The following CREB3L3 variants were observed in gnomAD, a reference collection of about 807,000 sequenced individuals.
CREB3L3 encodes the protein cyclic AMP-responsive element-binding protein 3-like protein 3.
CREB3L3 carries 40 observed loss-of-function variants against 44.6 expected under a neutral mutation model. The observed-to-expected ratio is 0.90, with a 90% CI of 0.70 to 1.17. CREB3L3 has a LOEUF of 1.17. Ranked by LOEUF, CREB3L3 falls within the 50% of genes most tolerant of loss-of-function variation. CREB3L3 has a pLI of 0.00. For missense variants in CREB3L3, 578 were observed against 595.8 expected (o/e 0.97, Z 0.31); for synonymous variants, 273 against 256.3 (o/e 1.06, Z -0.62).
At position 4,159,718 on chromosome 19, in the gene CREB3L3, A is replaced by T. The variant is rs759470246; in HGVS notation, c.512A>T (p.Asp171Val). Residue 171 changes from aspartate to valine, a missense_variant, in exon 4 of 10, where the codon GAC (aspartate) becomes GTC (valine). Physicochemically the swap from Asp to Val is radical, Grantham distance 152 (BLOSUM62 -3). Transcript: ENST00000078445. ...ICAEKPADPV[D>V]LSPRCNLTVK... is the part of the protein sequence containing the mutation. ...GCTGAGAAGCCGGCTGATCCGGTGG[A>T]CCTGTCCCCACGATGCAATCTCACC... 1 of 1,603,266 alleles carries T rather than the reference A, an allele frequency of 6.2e-7. No individual in the cohort carries two copies. Among genetic ancestry groups the T allele is most frequent in the Non-Finnish European group, 8.5e-7 (1 of 1,170,324 alleles).
In CREB3L3 at chr19:4,170,012, G is replaced by A. The variant is rs568553539; in HGVS notation, c.822-128G>A. The A allele has an allele frequency of 4.5e-6, 4 of 888,872 alleles. No homozygotes were observed. The South Asian group carries it at 5.4e-5, about 12-fold the overall frequency. The allele number at this position is 888,872 out of a possible 1,614,324, so 55.1% of individuals were successfully genotyped here. On this transcript the variant is annotated intron_variant, in intron 6 of 9. Transcript: ENST00000078445. ...CTGTCTGACCTGCCGAGTAACCTTG[G>A]ATGAATGACTTCCCCTCTCTGGCCT...
chr19:4,164,865 C>T (rs140650522), intron 5 of CREB3L3, among the ~76,000 whole-genome samples: 243 of 152,172 alleles, frequency 1.6e-3, no homozygotes, highest in Middle Eastern at 3.4e-3. Context: ...TGCGCCACCA[C>T]GCCCAGCTAA....
At chr19:4,155,801 G>A (rs1267164291) in intron 2 of CREB3L3, among the ~76,000 whole-genome samples, 4 of 137,742 alleles carry the variant, frequency 2.9e-5, no homozygotes, top group Admixed American at 7.9e-5. Context: ...AGGCTGGAGC[G>A]CAATGGCGCG....
intron 5 of CREB3L3, among the ~76,000 whole-genome samples, 186 bp from the exon 6 acceptor site, chr19:4,168,165 A>G (rs1477996284): frequency 6.6e-6 from 1 of 151,308 alleles, no homozygotes; most frequent in African/African-American, 2.4e-5. Context: ...TGCCTGGCTA[A>G]TTTTTGTATT....
chr19:4,171,439 CA>C lies in CREB3L3; in HGVS notation c.1034del (p.Asn345ThrfsTer67). 1.2e-6 allele frequency: 2 copies of C among 1,614,118 alleles called. No homozygotes were observed. The highest frequency in any genetic ancestry group is 8.5e-7 in the Non-Finnish European group (1 of 1,180,012). On this transcript the variant is annotated frameshift_variant, in exon 9 of 10. Transcript: ENST00000078445. LOFTEE classifies it low-confidence loss of function (END_TRUNC). This position sits in a 1 kb window ranked among gnomAD's most constrained non-coding sequence, Gnocchi z 4.9. ...TCCCCTCCATCAGCCCTTTTGGCCC[CA>C]ACAAAACCGAGAGCCCTGGGGACTT... Reference protein sequence around the residue: ...ILPSISPFGPNKTESPGDFAP... With the variant: ...ILPSISPFGPXKTESPGDFAP...
Position 4,155,016 on chromosome 19 carries a change from G to A in CREB3L3, c.145G>A (p.Val49Ile), listed in dbSNP as rs372070326. The change falls in exon 2 of 10, where the codon GTC (valine) becomes ATC (isoleucine). Residue 49 changes from valine (V) to isoleucine (I), a missense_variant. Val to Ile is a conservative substitution (Grantham distance 29, BLOSUM62 3). Transcript: ENST00000078445. ...GGAGCTGGGCGAGGGCTGGGGTCAC[G>A]TCAAGGACCAGGTGAGGAGTCCACT... The part of the protein sequence containing the change: ...HVELGEGWGH[V>I]KDQQVLPNPD... The A allele has an allele frequency of 2.0e-5, 32 of 1,608,344 alleles. No homozygotes were observed. The Admixed American group carries it at 2.8e-4, about 14-fold the overall frequency.
chr19:4,164,775 C>A, intron 5 of CREB3L3, 135 bp downstream of exon 5: 1 of 1,054,986 alleles, frequency 9.5e-7, no homozygotes, highest in Non-Finnish European at 1.4e-6. Flanking sequence ...GTGGCACGAT[C>A]TCAGCTTGCT....
In CREB3L3 at chr19:4,156,975, C is replaced by T. The variant is rs772806290; in HGVS notation, c.157-20C>T. The T allele has an allele frequency of 1.2e-6, 2 of 1,613,556 alleles. No individual in the cohort carries two copies. The highest frequency in any genetic ancestry group is 1.7e-6 in the Non-Finnish European group (2 of 1,179,628). On this transcript the variant is annotated intron_variant, in intron 2 of 9. Transcript: ENST00000078445. ...AGTGAGCACTTCCTAATTCCTACTA[C>T]CCCTCCCTGTCCACCCCAGCAGGTC...
intron 2 of CREB3L3, among the ~76,000 whole-genome samples, chr19:4,156,500 T>G (rs956471076): frequency 6.7e-6 from 1 of 149,722 alleles, no homozygotes; most frequent in African/African-American, 2.5e-5. Context: ...TTGTTTTTCT[T>G]TTTTTCTTTT....
chr19:4,153,933 C>T (rs976999494), intron 1 of CREB3L3, among the ~76,000 whole-genome samples, 159 bp downstream of exon 1: 4 of 152,124 alleles, frequency 2.6e-5, no homozygotes, highest in African/African-American at 9.7e-5. Flanking sequence ...GTGCCTTTGC[C>T]CCGGGGCTGC....
chr19:4,172,044 C>T lies in CREB3L3; in HGVS notation c.*75C>T, dbSNP rs1967063747. On this transcript the variant is annotated 3_prime_UTR_variant, in exon 10 of 10. Coordinates refer to ENST00000078445, the MANE Select transcript of CREB3L3 (RefSeq NM_032607.3). Reference sequence around the variant, plus strand: ...GGATGCTGCACTGGGCAGCTACCCACCTGGGGATGGGACGTGAGGCCAAGA... The same window carrying T: ...GGATGCTGCACTGGGCAGCTACCCATCTGGGGATGGGACGTGAGGCCAAGA... 1.7e-5 allele frequency: 24 copies of T among 1,414,232 alleles called. No homozygotes were observed. In the South Asian group the frequency reaches 2.8e-4, roughly 17 times the overall value. The allele number at this position is 1,414,232 out of a possible 1,614,324, so 87.6% of individuals were successfully genotyped here.
chr19:4,158,967 G>A (rs2041624825), intron 3 of CREB3L3, among the ~76,000 whole-genome samples: 1 of 152,170 alleles, frequency 6.6e-6, no homozygotes, highest in Admixed American at 6.6e-5. Context: ...GACAACCAGA[G>A]GTGAATCAGA....
At chr19:4,159,430 C>CCA (rs2041630174) in intron 3 of CREB3L3, among the ~76,000 whole-genome samples, 2 of 110,578 alleles carry the variant, frequency 1.8e-5, no homozygotes, top group African/African-American at 6.4e-5. Context: ...GGAATACAGG[C>CCA]GTGAGCCACC....
At chr19:4,170,510 G>T (rs949410069) in intron 7 of CREB3L3, among the ~76,000 whole-genome samples, 3 of 152,052 alleles carry the variant, frequency 2.0e-5, no homozygotes, top group Non-Finnish European at 4.4e-5. Context: ...TACTCGAGAG[G>T]CTGAGGCAGG....
intron 2 of CREB3L3, among the ~76,000 whole-genome samples, chr19:4,155,428 G>T (rs574751200): frequency 6.7e-6 from 1 of 148,474 alleles, no homozygotes; most frequent in African/African-American, 2.5e-5. Context: ...GTGCCATCTC[G>T]GCTCACTGCA....
chr19:4,156,875 C>A, intron 2 of CREB3L3, 120 bp from the exon 3 acceptor site: 2 of 1,023,782 alleles, frequency 2.0e-6, no homozygotes, highest in Non-Finnish European at 2.9e-6. Context: ...AGTAACTCAT[C>A]TTGGAGAAGG....
Position 4,171,579 on chromosome 19 carries a change from G to A in CREB3L3, c.1073-77G>A. 1 of 1,603,388 alleles carries A rather than the reference G, an allele frequency of 6.2e-7. No homozygotes were observed. The highest frequency in any genetic ancestry group is 8.5e-7 in the Non-Finnish European group (1 of 1,170,576). ...GAAGACCCCTGTGCCCTTGTTCCCT[G>A]AGGCTGGGGGCCAGGGAAGGGAGCA... On this transcript the variant is annotated intron_variant, in intron 9 of 9. Transcript: ENST00000078445. The surrounding 1 kb of genome is among the most constrained non-coding windows in gnomAD (Gnocchi z 4.9).
chr19:4,165,717 T>C (rs1462109258), intron 5 of CREB3L3, among the ~76,000 whole-genome samples: 3 of 151,722 alleles, frequency 2.0e-5, no homozygotes, highest in African/African-American at 7.3e-5. Context: ...AAAAATTAGC[T>C]GTGCCTGGTG....
chr19:4,163,970 ATTTTTTT>A (rs746262345), intron 4 of CREB3L3, among the ~76,000 whole-genome samples: 5 of 114,892 alleles, frequency 4.4e-5, no homozygotes, highest in African/African-American at 1.3e-4. Context: ...TGGTCGGGTA[ATTTTTTT>A]TTTTTTTTTT....
Sources: gnomAD v4.1 joint callset for allele counts (sites outside exome capture counted in the v4.1 genomes callset) on GRCh38, gnomAD v4.1.1 for gene constraint, Gnocchi (gnomAD v3.1) non-coding constraint, MANE v1.5 for transcripts, NCBI Gene and HGNC (gene_info 2026-07-23, HGNC 2026-07-21) for gene names.